The following ERV3-1 variants were observed in gnomAD, a reference collection of about 807,000 sequenced individuals.
The protein encoded by ERV3-1 is endogenous retrovirus group 3 member 1, envelope.
ERV3-1 carries 36 observed loss-of-function variants against 24.6 expected under a neutral mutation model. The ratio of observed to expected loss-of-function variants is 1.47; its 90% CI spans 1.12 to 1.94. ERV3-1 has a LOEUF of 1.94. Ranked by LOEUF, ERV3-1 falls within the 30% of genes most tolerant of loss-of-function variation. The pLI is 0.00. For missense variants in ERV3-1, 578 were observed against 330.9 expected (o/e 1.75, Z -5.79); for synonymous variants, 211 against 122.6 (o/e 1.72, Z -4.76).
In ERV3-1 at chr7:65,006,674, C is replaced by G; in HGVS notation, c.-522G>C. 6.7e-7 allele frequency: 1 copy of G among 1,485,738 alleles called. No individual in the cohort carries two copies. The highest frequency in any genetic ancestry group is 9.3e-7 in the Non-Finnish European group (1 of 1,069,920). The allele number at this position is 1,485,738 out of a possible 1,614,324, so 92.0% of individuals were successfully genotyped here. A position where few individuals can be genotyped will look rare whatever the true frequency, so the allele number is the denominator to read the frequency against. ...GTGAAGACTACACCAGAAGCTCCGG[C>G]TGCCGCCAGAGACAAAGGCCCCACC... On this transcript the variant is annotated 5_prime_UTR_variant, in exon 1 of 2. Transcript: ENST00000394323.
chr7:64,995,644 C>G (rs936199375), intron 1 of ERV3-1, among the ~76,000 whole-genome samples: 21 of 152,160 alleles, frequency 1.4e-4, no homozygotes, highest in African/African-American at 5.1e-4. Flanking sequence ...GCACAAATGG[C>G]TTGCTTTCAT....
chr7:64,996,039 A>C (rs888154096), intron 1 of ERV3-1, among the ~76,000 whole-genome samples: 3 of 152,236 alleles, frequency 2.0e-5, no homozygotes, highest in African/African-American at 7.2e-5. Flanking sequence ...GAGACAGAAG[A>C]AAGCATCCTT....
At position 65,006,681 on chromosome 7, in the gene ERV3-1, C is replaced by A; in HGVS notation, c.-529G>T. On this transcript the variant is annotated 5_prime_UTR_variant, in exon 1 of 2. Coordinates refer to ENST00000394323, the MANE Select transcript of ERV3-1 (RefSeq NM_001007253.4). ...CTACACCAGAAGCTCCGGCTGCCGC[C>A]AGAGACAAAGGCCCCACCAAACCCG... The A allele has an allele frequency of 6.8e-7, 1 of 1,471,204 alleles. No homozygotes were observed. The allele number at this position is 1,471,204 out of a possible 1,614,324, so 91.1% of individuals were successfully genotyped here. A position where few individuals can be genotyped will look rare whatever the true frequency, so the allele number is the denominator to read the frequency against.
rs1269619047 is a variant in ERV3-1, at chr7:64,991,656, T to C, written c.1371A>G (p.Leu457=). 2 of 710,522 alleles carry C rather than the reference T, an allele frequency of 2.8e-6. No individual in the cohort carries two copies. Among genetic ancestry groups the C allele is most frequent in the East Asian group, 5.3e-5 (2 of 37,836 alleles). The allele number at this position is 710,522 out of a possible 1,614,324, so 44.0% of individuals were successfully genotyped here. Residue 457 remains leucine, a synonymous_variant, in exon 2 of 2, where the codon TTA becomes TTG. Coordinates refer to ENST00000394323, the MANE Select transcript of ERV3-1 (RefSeq NM_001007253.4). ...TAGTTTCATCATAGATGGGGTATCC[T>C]AAGGCTTCTCCCTGTTTTAGGGGCA... is the stretch of plus-strand genomic sequence containing the variant. The part of the protein sequence containing the change: ...FLMPLKQGEA[L]GYPIYDETKR...
rs1202847170 is a variant in ERV3-1 at position 64,996,897 on chromosome 7, C to G, written c.-388-3483G>C. Among the ~76,000 whole-genome samples, 9 of 152,320 alleles carry G rather than the reference C, an allele frequency of 5.9e-5. No individual in the cohort carries two copies. The South Asian group carries it at 8.3e-4, about 14-fold the overall frequency. ...TCCTGGGGGGCTAAAGAGAAGGAGC[C>G]CAGTCTGGCCTAATCTTCATATTCT... On this transcript the variant is annotated intron_variant, in intron 1 of 1. Coordinates refer to ENST00000394323, the MANE Select transcript of ERV3-1 (RefSeq NM_001007253.4).
Position 64,991,917 on chromosome 7 carries a change from C to G in ERV3-1, c.1110G>C (p.Glu370Asp), listed in dbSNP as rs1202027902. The change falls in exon 2 of 2, where the codon GAG (glutamate) becomes GAC (aspartate). Residue 370 changes from glutamate to aspartate, a missense_variant. Transcript: ENST00000394323. ...LTCLGQQYYN[E>D]TLGKTLWRGK... ...CCCTCCATAAAGTCTTTCCTAGTGTCTCGTTGTAATATTGTTGTCCTAGGC... is the reference window on the plus strand; with the variant it reads ...CCCTCCATAAAGTCTTTCCTAGTGTGTCGTTGTAATATTGTTGTCCTAGGC... 2.6e-6 allele frequency: 2 copies of G among 766,330 alleles called. No individual in the cohort carries two copies. Among genetic ancestry groups the G allele is most frequent in the Non-Finnish European group, 4.8e-6 (2 of 417,900 alleles). 47.5% of individuals were successfully genotyped at this position (766,330 alleles called of 1,614,324 possible).
At chr7:65,001,321 G>A (rs1013519109) in intron 1 of ERV3-1, among the ~76,000 whole-genome samples, 1 of 152,178 alleles carries the variant, frequency 6.6e-6, no homozygotes, top group Non-Finnish European at 1.5e-5. Flanking sequence ...TGAACAGGTG[G>A]TCCAGAATCC....
Position 64,993,202 on chromosome 7 carries a change from G to A in ERV3-1, c.-176C>T. The A allele has an allele frequency of 1.7e-6, 1 of 586,444 alleles. No individual in the cohort carries two copies. Among genetic ancestry groups the A allele is most frequent in the Non-Finnish European group, 3.0e-6 (1 of 329,860 alleles). 36.3% of individuals were successfully genotyped at this position (586,444 alleles called of 1,614,324 possible). Reference sequence around the variant, plus strand: ...GACTAGTCAGCTTCTGGGGTGACTAGAGCAGGGCTGTTGTCTCCTCAAGCT... The same window carrying A: ...GACTAGTCAGCTTCTGGGGTGACTAAAGCAGGGCTGTTGTCTCCTCAAGCT... On this transcript the variant is annotated 5_prime_UTR_variant, in exon 2 of 2. Transcript: ENST00000394323.
chr7:65,005,929 G>A (rs1346523581), intron 1 of ERV3-1, among the ~76,000 whole-genome samples: 3 of 152,124 alleles, frequency 2.0e-5, no homozygotes, highest in African/African-American at 7.2e-5. Flanking sequence ...CATGACCAGG[G>A]AATTTCCACC....
Position 64,991,438 on chromosome 7 carries a change from G to A in ERV3-1, c.1589C>T (p.Ala530Val). 1.4e-6 allele frequency: 1 copy of A among 704,072 alleles called. No individual in the cohort carries two copies. The highest frequency in any genetic ancestry group is 2.6e-6 in the Non-Finnish European group (1 of 384,972). The allele number at this position is 704,072 out of a possible 1,614,324, so 43.6% of individuals were successfully genotyped here. ...AVLEIITNET[A>V]GALNLLAQQA... ...CTGGGCAAGCAGATTCAAGGCCCCTGCAGTTTCATTGGTAATGATTTCTAG... is the reference window on the plus strand; with the variant it reads ...CTGGGCAAGCAGATTCAAGGCCCCTACAGTTTCATTGGTAATGATTTCTAG... Residue 530 changes from alanine (A) to valine (V), a missense_variant, in exon 2 of 2, where the codon GCA (alanine) becomes GTA (valine). Transcript: ENST00000394323.
At chr7:65,006,423 T>C in intron 1 of ERV3-1, 118 bp downstream of exon 1, 3 of 1,473,230 alleles carry the variant, frequency 2.0e-6, no homozygotes, top group Non-Finnish European at 2.8e-6. Flanking sequence ...CAAGGAGAAC[T>C]CGGGGCCGCG....
In ERV3-1 at chr7:64,991,969, A is replaced by C. The variant is rs1221876313; in HGVS notation, c.1058T>G (p.Phe353Cys). ...KFCIARWGKA[F>C]TDPVGELTCL... ...AGTTAACTCTCCTACTGGGTCTGTA[A>C]AGGCCTTTCCCCAGCGAGCAATACA... The change falls in exon 2 of 2, where the codon TTT becomes TGT. Residue 353 changes from phenylalanine to cysteine, a missense_variant. Physicochemically the swap from Phe to Cys is radical, Grantham distance 205. Transcript: ENST00000394323. The C allele has an allele frequency of 2.6e-6, 2 of 766,252 alleles. No individual in the cohort carries two copies. Among genetic ancestry groups the C allele is most frequent in the East Asian group, 2.4e-5 (1 of 41,260 alleles). 47.5% of individuals were successfully genotyped at this position (766,252 alleles called of 1,614,324 possible). A position where few individuals can be genotyped will look rare whatever the true frequency, so the allele number is the denominator to read the frequency against.
chr7:64,993,713 AGTTT>A (rs1786339017), intron 1 of ERV3-1, among the ~76,000 whole-genome samples: 1 of 152,158 alleles, frequency 6.6e-6, no homozygotes, highest in African/African-American at 2.4e-5. Context: ...GCGAATACCC[AGTTT>A]GTTTGGTGGG....
intron 1 of ERV3-1, among the ~76,000 whole-genome samples, chr7:64,995,156 C>T (rs1221359016): frequency 6.6e-6 from 1 of 152,226 alleles, no homozygotes; most frequent in Non-Finnish European, 1.5e-5. Flanking sequence ...CAATGCTGCT[C>T]TCTCTGATCC....
chr7:64,990,486 C>G lies in ERV3-1; in HGVS notation c.*726G>C, dbSNP rs187436553. 5.6e-6 allele frequency: 1 copy of G among 177,560 alleles called. No homozygotes were observed. The highest frequency in any genetic ancestry group is 4.8e-5 in the Admixed American group (1 of 20,624). 11.0% of individuals were successfully genotyped at this position (177,560 alleles called of 1,614,324 possible). A position where few individuals can be genotyped will look rare whatever the true frequency, so the allele number is the denominator to read the frequency against. Reference sequence around the variant, plus strand: ...AGGCAGGGGCAAGTCGGGTTTTTGGCGCAAAACCTGCGAGGTGAGAAAGCA... The same window carrying G: ...AGGCAGGGGCAAGTCGGGTTTTTGGGGCAAAACCTGCGAGGTGAGAAAGCA... On this transcript the variant is annotated 3_prime_UTR_variant, in exon 2 of 2. Transcript: ENST00000394323.
chr7:65,002,912 G>A (rs1052137804), intron 1 of ERV3-1, among the ~76,000 whole-genome samples: 5 of 151,896 alleles, frequency 3.3e-5, no homozygotes, highest in Admixed American at 2.6e-4. Flanking sequence ...TTGGTACTTC[G>A]TTCTGTTGCA....
In ERV3-1 at chr7:65,002,498, A is replaced by ATT. The variant is rs397823719; in HGVS notation, c.-389+4041_-389+4042dup. On this transcript the variant is annotated intron_variant, in intron 1 of 1. Transcript: ENST00000394323. Reference sequence around the variant, plus strand: ...GCAACCATGCCTGGCTAATTTTTATATTTTTTTTTAGTAGAGATGGGGTTT... The same window carrying ATT: ...GCAACCATGCCTGGCTAATTTTTATATTTTTTTTTTTAGTAGAGATGGGGTTT... Among the ~76,000 whole-genome samples the ATT allele has an allele frequency of 3.1e-3, 461 of 150,842 alleles. 2 individuals carry two copies. The highest frequency in any genetic ancestry group is 0.01 in the African/African-American group (429 of 41,094).
chr7:64,992,313 A>G lies in ERV3-1; in HGVS notation c.714T>C (p.Tyr238=). Residue 238 remains tyrosine, a synonymous_variant, in exon 2 of 2, where the codon TAT becomes TAC. Coordinates refer to ENST00000394323, the MANE Select transcript of ERV3-1 (RefSeq NM_001007253.4). ...AGCGGGTCCGAGTTTTCTTTATGAT[A>G]TATAGATAGACATAGGCTCCTGGGC... ...EIGPGAYVYL[Y]IIKKTRTRST... 2 of 766,350 alleles carry G rather than the reference A, an allele frequency of 2.6e-6. No individual in the cohort carries two copies. The highest frequency in any genetic ancestry group is 4.8e-6 in the Non-Finnish European group (2 of 417,896). 47.5% of individuals were successfully genotyped at this position (766,350 alleles called of 1,614,324 possible).
intron 1 of ERV3-1, among the ~76,000 whole-genome samples, chr7:65,005,525 T>C (rs541860410): frequency 1.3e-5 from 2 of 152,302 alleles, no homozygotes; most frequent in East Asian, 3.9e-4. Flanking sequence ...AATGATTAAT[T>C]AAAATATGGT....
Sources: allele counts gnomAD v4.1 joint callset (sites outside exome capture counted in the v4.1 genomes callset), GRCh38; gene constraint gnomAD v4.1.1; transcripts MANE v1.5; gene names NCBI Gene and HGNC (gene_info 2026-07-23, HGNC 2026-07-21).